PDE6B: variants seen among roughly 807,000 people sequenced by gnomAD.
PDE6B encodes the protein phosphodiesterase 6B.
A neutral mutation model predicts 109.0 loss-of-function variants in PDE6B; 106 were observed. That is an observed-to-expected ratio of 0.97 (90% confidence interval 0.83 to 1.14). The LOEUF is 1.14. Ranked by LOEUF, PDE6B falls within the 50% of genes most tolerant of loss-of-function variation. PDE6B has a pLI of 0.00. For missense variants in PDE6B, 1,193 were observed against 1,155.6 expected (o/e 1.03, Z -0.47); for synonymous variants, 490 against 471.3 (o/e 1.04, Z -0.51).
chr4:636,679 C>T lies in PDE6B; in HGVS notation c.711+710C>T, dbSNP rs542830691. 6.6e-6 allele frequency among the ~76,000 whole-genome samples: 1 copy of T among 152,316 alleles called. No individual in the cohort carries two copies. Among genetic ancestry groups the T allele is most frequent in the Admixed American group, 6.5e-5 (1 of 15,300 alleles). ...AGACGGCGGTCACCTCCTGCCTTCT[C>T]CGTGTCTTGTTCTGCCTGCGGATGC... is the stretch of plus-strand genomic sequence containing the variant. On this transcript the variant is annotated intron_variant, in intron 3 of 21. Coordinates refer to ENST00000496514, the MANE Select transcript of PDE6B (RefSeq NM_000283.4). The surrounding 1 kb of genome is among the most constrained non-coding windows in gnomAD (Gnocchi z 4.5).
chr4:665,570 C>T lies in PDE6B; in HGVS notation c.2268+241C>T, dbSNP rs1022061578. ...TGGCACTGGAGGAACCAGGGCCACCCGCTCATCACCAGGAGCCTCTGGGTC... is the reference window on the plus strand; with the variant it reads ...TGGCACTGGAGGAACCAGGGCCACCTGCTCATCACCAGGAGCCTCTGGGTC... On this transcript the variant is annotated intron_variant, in intron 19 of 21. Transcript: ENST00000496514. This position sits in a 1 kb window ranked among gnomAD's most constrained non-coding sequence, Gnocchi z 4.0. Among the ~76,000 whole-genome samples the T allele has an allele frequency of 5.3e-5, 8 of 152,176 alleles. No homozygotes were observed. The highest frequency in any genetic ancestry group is 2.6e-4 in the Admixed American group (4 of 15,280).
rs759977537 is a variant in PDE6B, at chr4:662,490, G to C, written c.1723-19G>C. ...TGCTGGAGCCAGGACCGGTGAGCAA[G>C]GTGGCCCTGTCTCTACAGACCGGCA... is the stretch of plus-strand genomic sequence containing the variant. On this transcript the variant is annotated intron_variant, in intron 13 of 21. Transcript: ENST00000496514. The surrounding 1 kb of genome is among the most constrained non-coding windows in gnomAD (Gnocchi z 4.3). 2 of 1,536,656 alleles carry C rather than the reference G, an allele frequency of 1.3e-6. No homozygotes were observed. The highest frequency in any genetic ancestry group is 4.5e-5 in the East Asian group (2 of 44,548).
At chr4:649,857 G>A (rs1246737372) in intron 3 of PDE6B, among the ~76,000 whole-genome samples, 3 of 152,174 alleles carry the variant, frequency 2.0e-5, no homozygotes, top group African/African-American at 7.2e-5. Flanking sequence ...AGTAATGAGA[G>A]GGCCATGAGG....
intron 3 of PDE6B, among the ~76,000 whole-genome samples, chr4:650,258 A>G (rs1193334735): frequency 6.6e-6 from 1 of 152,234 alleles, no homozygotes; most frequent in African/African-American, 2.4e-5. Context: ...TTGGCTTAAC[A>G]AGTTCCCAAC....
intron 3 of PDE6B, among the ~76,000 whole-genome samples, chr4:645,035 C>T (rs1735131971): frequency 6.6e-6 from 1 of 151,938 alleles, no homozygotes; most frequent in African/African-American, 2.4e-5. Flanking sequence ...AGAAACAACC[C>T]CTTTATCATG....
intron 2 of PDE6B, 143 bp from the exon 3 acceptor site, chr4:635,737 C>G (rs1734646658): frequency 2.1e-5 from 15 of 701,878 alleles, no homozygotes; most frequent in South Asian, 2.1e-4. Context: ...CTTGTGTGTG[C>G]CAATCCATGT....
intron 9 of PDE6B, 123 bp downstream of exon 9, chr4:657,146 C>A: frequency 8.2e-7 from 1 of 1,214,562 alleles, no homozygotes; most frequent in Non-Finnish European, 1.2e-6. Context: ...GTGCGGTATG[C>A]ATGCGGCCAG....
In PDE6B at chr4:665,410, G is replaced by A; in HGVS notation, c.2268+81G>A. On this transcript the variant is annotated intron_variant, in intron 19 of 21. Transcript: ENST00000496514. This position sits in a 1 kb window ranked among gnomAD's most constrained non-coding sequence, Gnocchi z 4.0. The stretch of plus-strand genomic sequence containing the variant: ...TGGTCCTCAGGAGCCTCAGGTCCTG[G>A]CTTGGTCTCAGGCAGGGGGTTCTGA... The A allele has an allele frequency of 3.0e-6, 3 of 985,326 alleles. No homozygotes were observed. Among genetic ancestry groups the A allele is most frequent in the Non-Finnish European group, 4.9e-6 (3 of 618,084 alleles). The allele number at this position is 985,326 out of a possible 1,614,324, so 61.0% of individuals were successfully genotyped here. A position where few individuals can be genotyped will look rare whatever the true frequency, so the allele number is the denominator to read the frequency against.
intron 3 of PDE6B, among the ~76,000 whole-genome samples, chr4:637,375 C>T (rs1734741159): frequency 6.6e-6 from 1 of 152,150 alleles, no homozygotes; most frequent in African/African-American, 2.4e-5. Flanking sequence ...CATGTGCCTC[C>T]AGGCCTGGCT....
At chr4:655,822 C>T (rs1736158991) in intron 6 of PDE6B, 118 bp from the exon 7 acceptor site, 1 of 759,918 alleles carries the variant, frequency 1.3e-6, no homozygotes, top group Non-Finnish European at 2.4e-6. Flanking sequence ...CCTGCACACA[C>T]ACGTGCAGCC....
intron 3 of PDE6B, among the ~76,000 whole-genome samples, chr4:639,757 G>A (rs924966856): frequency 6.6e-6 from 1 of 152,170 alleles, no homozygotes; most frequent in Non-Finnish European, 1.5e-5. Flanking sequence ...GATCACCTGA[G>A]GTCAAGAGTT....
chr4:651,921 CAGAT>C, intron 3 of PDE6B: 1 of 153,140 alleles, frequency 6.5e-6, no homozygotes, highest in Admixed American at 6.8e-5. Flanking sequence ...GGGACATACT[CAGAT>C]AGGGGCTGGG....
chr4:628,051 T>G (rs1192492987), intron 1 of PDE6B, among the ~76,000 whole-genome samples: 1 of 152,128 alleles, frequency 6.6e-6, no homozygotes, highest in Non-Finnish European at 1.5e-5. Context: ...GTGTAGCTGG[T>G]GCCATTCCAA....
intron 17 of PDE6B, 32 bp from the exon 18 acceptor site, chr4:664,849 C>A: frequency 1.9e-6 from 3 of 1,576,050 alleles, no homozygotes; most frequent in Non-Finnish European, 1.7e-6. Context: ...AGGAGACGCC[C>A]ATCAGCACTC....
At chr4:632,458 T>C (rs1311698686) in intron 1 of PDE6B, among the ~76,000 whole-genome samples, 3 of 151,880 alleles carry the variant, frequency 2.0e-5, no homozygotes, top group Non-Finnish European at 4.4e-5. Flanking sequence ...CAGGGTCACG[T>C]TGTGTGGATC....
At position 625,574 on chromosome 4, in the gene PDE6B, T is replaced by C. The variant is rs1383932003; in HGVS notation, c.-53T>C. The C allele has an allele frequency of 8.5e-6, 11 of 1,294,248 alleles. No individual in the cohort carries two copies. The highest frequency in any genetic ancestry group is 2.3e-5 in the East Asian group (1 of 43,460). 80.2% of individuals were successfully genotyped at this position (1,294,248 alleles called of 1,614,324 possible). ...AGACTTTGCTGATGACAGGGTTTCC[T>C]GGGAGTCCATGCGTGCCTGGAGCAG... On this transcript the variant is annotated 5_prime_UTR_variant, in exon 1 of 22. Coordinates refer to ENST00000496514, the MANE Select transcript of PDE6B (RefSeq NM_000283.4). The surrounding 1 kb of genome is among the most constrained non-coding windows in gnomAD (Gnocchi z 5.0).
In PDE6B at chr4:651,281, G is replaced by A. The variant is rs1161118455; in HGVS notation, c.712-2571G>A. On this transcript the variant is annotated intron_variant, in intron 3 of 21. Transcript: ENST00000496514. ...GAGGCGGCGATGTCAACAGCAGTGG[G>A]GCCGTCACAGGCGGGGCAGGGGCTG... Among the ~76,000 whole-genome samples, 4 of 152,146 alleles carry A rather than the reference G, an allele frequency of 2.6e-5. No homozygotes were observed. The South Asian group carries it at 6.2e-4, about 24-fold the overall frequency.
chr4:654,559 G>A, intron 5 of PDE6B: 1 of 607,240 alleles, frequency 1.6e-6, no homozygotes, highest in Non-Finnish European at 3.0e-6. Flanking sequence ...GGCGTGTGAT[G>A]CGTGTCCCGT....
rs71636506 is a variant in PDE6B, at chr4:642,725, C to CAAAA, written c.711+6778_711+6781dup. ...CCAACCTGGACAACAGACACTGTCT[C>CAAAA]AAAAAAAAAAAAAAAAAAAAAAAAA... On this transcript the variant is annotated intron_variant, in intron 3 of 21. Coordinates refer to ENST00000496514, the MANE Select transcript of PDE6B (RefSeq NM_000283.4). Among the ~76,000 whole-genome samples the CAAAA allele has an allele frequency of 6.3e-3, 266 of 42,386 alleles. 1 individual carries two copies. The highest frequency in any genetic ancestry group is 0.01 in the African/African-American group (107 of 10,620). 27.8% of individuals were successfully genotyped at this position (42,386 alleles called of 152,430 possible). A position where few individuals can be genotyped will look rare whatever the true frequency, so the allele number is the denominator to read the frequency against.
Sources: allele counts gnomAD v4.1 joint callset (sites outside exome capture counted in the v4.1 genomes callset), GRCh38; gene constraint gnomAD v4.1.1; non-coding constraint Gnocchi (gnomAD v3.1); transcripts MANE v1.5; gene names NCBI Gene and HGNC (gene_info 2026-07-23, HGNC 2026-07-21).